SLC29A4: variants seen among roughly 807,000 people sequenced by gnomAD.
SLC29A4 encodes equilibrative nucleoside transporter 4.
SLC29A4 carries 36 observed loss-of-function variants against 43.9 expected under a neutral mutation model. The ratio of observed to expected loss-of-function variants is 0.82; its 90% CI spans 0.63 to 1.08. SLC29A4 has a LOEUF of 1.08. Ranked by LOEUF, SLC29A4 falls within the 50% of genes least tolerant of loss-of-function variation. The pLI, the probability that SLC29A4 is intolerant of heterozygous loss-of-function variation, is 0.00. For missense variants in SLC29A4, 869 were observed against 755.3 expected, an observed-to-expected ratio of 1.15 and a Z score of -1.77; for synonymous variants, 491 against 338.0, an observed-to-expected ratio of 1.45 and a Z score of -4.97.
rs139478790 is a variant in SLC29A4 at position 5,299,337 on chromosome 7, C to A, written c.1119C>A (p.Gly373=). ...TYFITLCLFP[G]LESEIRHCIL... is the part of the protein sequence containing the mutation. ...TCATCACGCTGTGCCTGTTCCCCGG[C>A]CTCGAGTCTGAGATCCGCCACTGCA... is the stretch of plus-strand genomic sequence containing the variant. The change falls in exon 9 of 11, where the codon GGC becomes GGA. Residue 373 remains glycine (G), a synonymous_variant. Coordinates refer to ENST00000396872, the MANE Select transcript of SLC29A4 (RefSeq NM_153247.4). The A allele has an allele frequency of 1.2e-6, 2 of 1,612,084 alleles. No individual in the cohort carries two copies. The highest frequency in any genetic ancestry group is 1.7e-6 in the Non-Finnish European group (2 of 1,179,864).
Position 5,306,191 on chromosome 7 carries a change from C to CTTTTTT in SLC29A4, c.*3272_*3277dup, listed in dbSNP as rs748971391. On this transcript the variant is annotated 3_prime_UTR_variant, in exon 11 of 11. Coordinates refer to ENST00000396872, the MANE Select transcript of SLC29A4 (RefSeq NM_153247.4). Reference sequence around the variant, plus strand: ...TTTCTCATGTAAATTTGTTCAATTTCTTTTTTTTTTTTTTTTTTTTTTTTT... The same window carrying CTTTTTT: ...TTTCTCATGTAAATTTGTTCAATTTCTTTTTTTTTTTTTTTTTTTTTTTTTTTTTTT... The CTTTTTT allele has an allele frequency of 1.5e-4, 11 of 71,102 alleles. No individual in the cohort carries two copies. The highest frequency in any genetic ancestry group is 4.7e-4 in the East Asian group (1 of 2,122). The allele number at this position is 71,102 out of a possible 1,614,324, so 4.4% of individuals were successfully genotyped here. A position where few individuals can be genotyped will look rare whatever the true frequency, so the allele number is the denominator to read the frequency against.
intron 1 of SLC29A4, among the ~76,000 whole-genome samples, chr7:5,286,540 A>G (rs1334335053): frequency 7.7e-6 from 1 of 130,572 alleles, no homozygotes; most frequent in East Asian, 2.2e-4. Flanking sequence ...AAAAAGAAAA[A>G]AGAAAAAAAT....
At chr7:5,296,058 C>G (rs968347471) in intron 6 of SLC29A4, among the ~76,000 whole-genome samples, 4 of 152,092 alleles carry the variant, frequency 2.6e-5, no homozygotes, top group African/African-American at 9.7e-5. Context: ...GCCTCGTGAC[C>G]CTAATGGCGG....
At position 5,292,249 on chromosome 7, in the gene SLC29A4, C is replaced by G. The variant is rs189947016; in HGVS notation, c.544+428C>G. Among the ~76,000 whole-genome samples the G allele has an allele frequency of 2.2e-3, 338 of 152,164 alleles. 1 individual carries two copies. Among genetic ancestry groups the G allele is most frequent in the African/African-American group, 7.7e-3 (319 of 41,490 alleles). On this transcript the variant is annotated intron_variant, in intron 5 of 10. Transcript: ENST00000396872. ...CCTCAGCCTCCTGAGTAGCTAGGACCTCAGGCACATGCCACCAAGCCTGGC... is the reference window on the plus strand; with the variant it reads ...CCTCAGCCTCCTGAGTAGCTAGGACGTCAGGCACATGCCACCAAGCCTGGC...
chr7:5,289,585 A>T (rs6959643), intron 2 of SLC29A4, among the ~76,000 whole-genome samples: 70,594 of 151,800 alleles, frequency 0.47, 18,194 homozygotes, highest in Non-Finnish European at 0.58. Flanking sequence ...TGATAAAGTT[A>T]ATGGAGAAGG....
intron 1 of SLC29A4, among the ~76,000 whole-genome samples, chr7:5,283,990 C>G (rs1183124643): frequency 6.6e-6 from 1 of 151,110 alleles, no homozygotes; most frequent in Non-Finnish European, 1.5e-5. Flanking sequence ...ATGGGAGGAG[C>G]CGGAGGGGGT....
In SLC29A4 at chr7:5,300,619, C is replaced by T; in HGVS notation, c.1407C>T (p.Ile469=). 3 of 1,610,342 alleles carry T rather than the reference C, an allele frequency of 1.9e-6. No homozygotes were observed. The highest frequency in any genetic ancestry group is 2.5e-6 in the Non-Finnish European group (3 of 1,178,722). ...GCTACTTCGGCAGCGTGCCCATGAT[C>T]CTGGCGGCAGGCAAAGTGAGCCCCA... ...SNGYFGSVPM[I]LAAGKVSPKQ... is the part of the protein sequence containing the mutation. Residue 469 remains isoleucine (I), a synonymous_variant, in exon 10 of 11, where the codon ATC becomes ATT. Coordinates refer to ENST00000396872, the MANE Select transcript of SLC29A4 (RefSeq NM_153247.4).
intron 5 of SLC29A4, 121 bp from the exon 6 acceptor site, chr7:5,294,739 A>T: frequency 1.1e-6 from 1 of 940,790 alleles, no homozygotes; most frequent in Non-Finnish European, 1.7e-6. Context: ...TCTCTCTGCC[A>T]TTAGTGGTGT....
Position 5,287,910 on chromosome 7 carries a change from C to A in SLC29A4, c.94C>A (p.Gln32Lys). The A allele has an allele frequency of 1.2e-6, 2 of 1,612,082 alleles. No individual in the cohort carries two copies. The highest frequency in any genetic ancestry group is 4.5e-5 in the East Asian group (2 of 44,880). The part of the protein sequence containing the change: ...VVMSFTFDSH[Q>K]LEEAAEAAQG... ...GATGAGCTTCACCTTCGACAGTCAC[C>A]AGCTGGAGGAGGCGGCGGAGGCGGC... Residue 32 changes from glutamine (Q) to lysine (K), a missense_variant, in exon 2 of 11, where the codon CAG (glutamine) becomes AAG (lysine). Coordinates refer to ENST00000396872, the MANE Select transcript of SLC29A4 (RefSeq NM_153247.4).
chr7:5,288,304 T>C (rs1003185191), intron 2 of SLC29A4, among the ~76,000 whole-genome samples: 2 of 125,146 alleles, frequency 1.6e-5, no homozygotes, highest in Non-Finnish European at 3.3e-5. Flanking sequence ...GCTTCTTTTT[T>C]TTTTTTTTTT....
chr7:5,292,089 G>T (rs996685645), intron 5 of SLC29A4, among the ~76,000 whole-genome samples: 12 of 152,206 alleles, frequency 7.9e-5, no homozygotes, highest in Non-Finnish European at 1.3e-4. Flanking sequence ...TTCAAAGACT[G>T]TTCTGCCTTT....
rs1395042200 is a variant in SLC29A4, at chr7:5,294,982, GC to G, written c.619+49del. The G allele has an allele frequency of 2.0e-6, 3 of 1,519,232 alleles. No individual in the cohort carries two copies. In the East Asian group the frequency reaches 7.1e-5, roughly 36 times the overall value. The allele number at this position is 1,519,232 out of a possible 1,614,324, so 94.1% of individuals were successfully genotyped here. Reference sequence around the variant, plus strand: ...GGGAGGGGGTGCTGGGCTGCCCTGGGCTCTGGAAGCTTCTTCCCAGGGACTC... The same window carrying G: ...GGGAGGGGGTGCTGGGCTGCCCTGGGTCTGGAAGCTTCTTCCCAGGGACTC... On this transcript the variant is annotated intron_variant, in intron 6 of 10. Transcript: ENST00000396872.
intron 2 of SLC29A4, among the ~76,000 whole-genome samples, chr7:5,288,585 C>T (rs1204661314): frequency 1.3e-5 from 2 of 152,056 alleles, no homozygotes; most frequent in East Asian, 1.9e-4. Context: ...AGCCACCGCG[C>T]CCGTCCGCTG....
intron 1 of SLC29A4, among the ~76,000 whole-genome samples, chr7:5,284,301 C>T (rs1258836160): frequency 6.6e-6 from 1 of 152,056 alleles, no homozygotes; most frequent in Non-Finnish European, 1.5e-5. Context: ...TAAGTGGCAG[C>T]TTGTGCAACT....
chr7:5,304,988 T>A lies in SLC29A4; in HGVS notation c.*2049T>A, dbSNP rs935855839. On this transcript the variant is annotated 3_prime_UTR_variant, in exon 11 of 11. Coordinates refer to ENST00000396872, the MANE Select transcript of SLC29A4 (RefSeq NM_153247.4). ...CGTGCCACCACGTCTGGCCAGATTC[T>A]TTTATTTTGTGTAGAGATGGGGTCT... 3 of 152,202 alleles carry A rather than the reference T, an allele frequency of 2.0e-5. No individual in the cohort carries two copies. The highest frequency in any genetic ancestry group is 4.4e-5 in the Non-Finnish European group (3 of 68,058). 9.4% of individuals were successfully genotyped at this position (152,202 alleles called of 1,614,324 possible).
intron 1 of SLC29A4, among the ~76,000 whole-genome samples, chr7:5,284,475 A>C (rs1483959077): frequency 6.6e-6 from 1 of 152,198 alleles, no homozygotes; most frequent in African/African-American, 2.4e-5. Flanking sequence ...GTGTCTTCTC[A>C]AGGGCCCCCT....
At chr7:5,302,398 C>T (rs1214781617) in intron 10 of SLC29A4, among the ~76,000 whole-genome samples, 1 of 152,124 alleles carries the variant, frequency 6.6e-6, no homozygotes, top group African/African-American at 2.4e-5. Flanking sequence ...TTTAGGTTAG[C>T]CAGGCACGGT....
At position 5,305,787 on chromosome 7, in the gene SLC29A4, C is replaced by G. The variant is rs1300314769; in HGVS notation, c.*2848C>G. ...GGTCAGGCTGGTCTTGAACTCCCGA[C>G]CTCAGGTGATCCACCTGCCTCAGCC... On this transcript the variant is annotated 3_prime_UTR_variant, in exon 11 of 11. Coordinates refer to ENST00000396872, the MANE Select transcript of SLC29A4 (RefSeq NM_153247.4). The G allele has an allele frequency of 1.3e-5, 2 of 151,772 alleles. No homozygotes were observed. Among genetic ancestry groups the G allele is most frequent in the Non-Finnish European group, 2.9e-5 (2 of 67,990 alleles). 9.4% of individuals were successfully genotyped at this position (151,772 alleles called of 1,614,324 possible).
intron 10 of SLC29A4, among the ~76,000 whole-genome samples, chr7:5,302,160 A>G (rs1583685510): frequency 6.6e-6 from 1 of 152,136 alleles, no homozygotes; most frequent in African/African-American, 2.4e-5. Flanking sequence ...CATCTTGGCC[A>G]GGCTGGTCTC....
Sources: allele counts gnomAD v4.1 joint callset (sites outside exome capture counted in the v4.1 genomes callset), GRCh38; gene constraint gnomAD v4.1.1; transcripts MANE v1.5; gene names NCBI Gene and HGNC (gene_info 2026-07-23, HGNC 2026-07-21).